The following KPNA1 variants were observed in gnomAD, a reference collection of about 807,000 sequenced individuals.
The protein encoded by KPNA1 is importin subunit alpha-5.
A neutral mutation model predicts 70.5 loss-of-function variants in KPNA1; 10 were observed. The ratio of observed to expected loss-of-function variants is 0.14; its 90% CI spans 0.09 to 0.24. KPNA1 has a LOEUF of 0.24. Among genes scored for constraint, KPNA1 ranks in the 10% least tolerant of loss-of-function variants. The pLI is 1.00. For missense variants in KPNA1, 397 were observed against 637.9 expected, an observed-to-expected ratio of 0.62 and a Z score of 4.07; for synonymous variants, 192 against 221.9, an observed-to-expected ratio of 0.87 and a Z score of 1.20.
chr3:122,486,593 C>CT (rs200913665), intron 2 of KPNA1, among the ~76,000 whole-genome samples: 18,502 of 146,934 alleles, frequency 0.13, 1,310 homozygotes, highest in East Asian at 0.33. Context: ...TCTGTGCATT[C>CT]TTTTTTTTTT....
At chr3:122,501,227 C>A (rs2076825888) in intron 1 of KPNA1, among the ~76,000 whole-genome samples, 1 of 151,928 alleles carries the variant, frequency 6.6e-6, no homozygotes, top group Non-Finnish European at 1.5e-5. Context: ...CGAGGTTTCA[C>A]CATGTTGGCC....
chr3:122,481,747 G>A (rs2076573759), intron 2 of KPNA1, among the ~76,000 whole-genome samples: 1 of 152,194 alleles, frequency 6.6e-6, no homozygotes, highest in African/African-American at 2.4e-5. Flanking sequence ...TGACTGTATT[G>A]TAATGTCAGA....
intron 11 of KPNA1, among the ~76,000 whole-genome samples, chr3:122,435,248 G>C (rs1211467265): frequency 6.6e-6 from 1 of 152,082 alleles, no homozygotes; most frequent in Non-Finnish European, 1.5e-5. Flanking sequence ...TGATCTCTCT[G>C]TTTCCATTCA....
At chr3:122,449,781 GC>G in intron 8 of KPNA1, 44 bp from the exon 9 acceptor site, 1 of 1,542,194 alleles carries the variant, frequency 6.5e-7, no homozygotes, top group Non-Finnish European at 8.8e-7. Flanking sequence ...TAGACTAAAA[GC>G]CAGAAGTGAG....
intron 2 of KPNA1, among the ~76,000 whole-genome samples, chr3:122,483,998 C>T (rs1002361393): frequency 6.6e-6 from 1 of 152,126 alleles, no homozygotes; most frequent in Non-Finnish European, 1.5e-5. Context: ...CTAAAGAAAA[C>T]CACTCCTTGA....
At chr3:122,459,939 C>A (rs1007489359) in intron 5 of KPNA1, 1 of 985,272 alleles carries the variant, frequency 1.0e-6, no homozygotes, top group East Asian at 1.1e-4. Context: ...AACCTGGGGA[C>A]AGGAGCTATC....
intron 10 of KPNA1, among the ~76,000 whole-genome samples, chr3:122,438,614 G>A (rs374321902): frequency 1.9e-4 from 29 of 152,098 alleles, no homozygotes; most frequent in African/African-American, 3.9e-4. Context: ...TTGAACTCCC[G>A]ACCTCATGTG....
intron 1 of KPNA1, among the ~76,000 whole-genome samples, chr3:122,497,510 A>T (rs1476816275): frequency 1.3e-5 from 2 of 152,220 alleles, no homozygotes; most frequent in Non-Finnish European, 2.9e-5. Flanking sequence ...TGTTTTTCCA[A>T]AGTGGCTGTG....
chr3:122,509,957 TCC>T (rs1419968777), intron 1 of KPNA1, among the ~76,000 whole-genome samples: 20 of 152,222 alleles, frequency 1.3e-4, no homozygotes, highest in African/African-American at 4.8e-4. Context: ...GTTAAAAATA[TCC>T]TAAAAGCTTC....
rs553196897 is a variant in KPNA1 at position 122,474,554 on chromosome 3, G to A, written c.130-7125C>T. 5.8e-4 allele frequency among the ~76,000 whole-genome samples: 88 copies of A among 152,172 alleles called. 1 individual carries two copies. Among genetic ancestry groups the A allele is most frequent in the Admixed American group, 4.5e-3 (68 of 15,268 alleles). ...ATCTAGTACAATGATCTTCAACAAA[G>A]AAAAGGATAAAATACAATGGTGCAA... On this transcript the variant is annotated intron_variant, in intron 2 of 13. Transcript: ENST00000344337.
At chr3:122,496,597 A>G (rs2076764252) in intron 1 of KPNA1, 27 bp from the exon 2 acceptor site, 2 of 1,607,698 alleles carry the variant, frequency 1.2e-6, no homozygotes, top group African/African-American at 2.7e-5. Flanking sequence ...GAGAGAACAA[A>G]TGAGTTTACT....
At chr3:122,474,015 CAGA>C (rs1282966130) in intron 2 of KPNA1, among the ~76,000 whole-genome samples, 4 of 151,996 alleles carry the variant, frequency 2.6e-5, no homozygotes, top group Non-Finnish European at 5.9e-5. Context: ...GGTTACATGA[CAGA>C]AGGTTAATAT....
Position 122,463,922 on chromosome 3 carries a change from T to A in KPNA1, c.337+20A>T, listed in dbSNP as rs186089086. 1,978 of 1,391,514 alleles carry A rather than the reference T, an allele frequency of 1.4e-3. 15 individuals are homozygous for A. The African/African-American group carries it at 0.024, about 17-fold the overall frequency. The allele number at this position is 1,391,514 out of a possible 1,614,324, so 86.2% of individuals were successfully genotyped here. Reference sequence around the variant, plus strand: ...TTTGTAGAGAGATGAAAAAATATACTGAACATATTCATAGCTCACCTTTTG... The same window carrying A: ...TTTGTAGAGAGATGAAAAAATATACAGAACATATTCATAGCTCACCTTTTG... On this transcript the variant is annotated intron_variant, in intron 4 of 13. Coordinates refer to ENST00000344337, the MANE Select transcript of KPNA1 (RefSeq NM_002264.4).
intron 4 of KPNA1, among the ~76,000 whole-genome samples, chr3:122,463,422 G>C (rs1366614626): frequency 6.6e-6 from 1 of 151,186 alleles, no homozygotes; most frequent in Non-Finnish European, 1.5e-5. Flanking sequence ...TCGGGAGACT[G>C]AGGCAGGAAA....
At chr3:122,496,346 A>ACC (rs1553706688) in intron 2 of KPNA1, 91 bp downstream of exon 2, 6 of 1,180,250 alleles carry the variant, frequency 5.1e-6, no homozygotes, top group South Asian at 1.3e-5. Context: ...ACACACACAC[A>ACC]CACCCCAACT....
chr3:122,483,592 G>T (rs546728154), intron 2 of KPNA1, among the ~76,000 whole-genome samples: 1 of 152,078 alleles, frequency 6.6e-6, no homozygotes, highest in South Asian at 2.1e-4. Flanking sequence ...TGATCCACCC[G>T]CCTCAGCCTC....
At chr3:122,436,298 T>C (rs889592748) in intron 11 of KPNA1, among the ~76,000 whole-genome samples, 3 of 152,160 alleles carry the variant, frequency 2.0e-5, no homozygotes, top group Non-Finnish European at 2.9e-5. Context: ...GAAACCTCAT[T>C]AGCAATTTTA....
intron 12 of KPNA1, among the ~76,000 whole-genome samples, chr3:122,431,481 T>C (rs1410614445): frequency 6.6e-6 from 1 of 152,200 alleles, no homozygotes; most frequent in African/African-American, 2.4e-5. Context: ...AATATTCTAA[T>C]TGTTTCTTGC....
chr3:122,492,106 C>T (rs970077354), intron 2 of KPNA1, among the ~76,000 whole-genome samples: 2 of 151,770 alleles, frequency 1.3e-5, no homozygotes, highest in African/African-American at 2.4e-5. Flanking sequence ...GTGATCCGCC[C>T]GTCTCGGCCT....
Sources: allele counts gnomAD v4.1 joint callset (sites outside exome capture counted in the v4.1 genomes callset), GRCh38; gene constraint gnomAD v4.1.1; transcripts MANE v1.5; gene names NCBI Gene and HGNC (gene_info 2026-07-23, HGNC 2026-07-21).